Variants in CSMD3 observed in about 807,000 individuals in gnomAD.
CSMD3 encodes the protein CUB and sushi domain-containing protein 3.
In CSMD3, 177 loss-of-function variants were observed where a neutral mutation model predicts 435.2. The observed-to-expected ratio is 0.41, with a 90% CI of 0.36 to 0.46. The LOEUF (loss-of-function observed/expected upper bound fraction) is 0.46, where lower values mean the gene tolerates loss of function less well. Among genes scored for constraint, CSMD3 ranks in the 20% least tolerant of loss-of-function variants. The pLI, the probability that CSMD3 is intolerant of heterozygous loss-of-function variation, is 0.34. For missense variants in CSMD3, 4,265 were observed against 4,504.6 expected, an observed-to-expected ratio of 0.95 and a Z score of 1.52; for synonymous variants, 1,656 against 1,520.5, an observed-to-expected ratio of 1.09 and a Z score of -2.07.
At chr8:113,110,839 C>T (rs765239121) in intron 4 of CSMD3, among the ~76,000 whole-genome samples, 6 of 152,140 alleles carry the variant, frequency 3.9e-5, no homozygotes, top group Non-Finnish European at 7.4e-5. Flanking sequence ...GCTATTATTT[C>T]TTACAGATCT....
intron 22 of CSMD3, among the ~76,000 whole-genome samples, chr8:112,596,430 C>A (rs1449004402): frequency 1.3e-5 from 2 of 151,996 alleles, no homozygotes; most frequent in Non-Finnish European, 2.9e-5. Context: ...GACTTTAACA[C>A]CCCACTGTCA....
In CSMD3 at chr8:113,222,213, C is replaced by A. The variant is rs1171249837; in HGVS notation, c.515-48297G>T. On this transcript the variant is annotated intron_variant, in intron 3 of 70. Transcript: ENST00000297405. ...ATTTTCTATAATGTTTTATTAAAATCTGTTATTTTTCCTAATAAATACTTA... is the reference window on the plus strand; with the variant it reads ...ATTTTCTATAATGTTTTATTAAAATATGTTATTTTTCCTAATAAATACTTA... Among the ~76,000 whole-genome samples the A allele has an allele frequency of 2.0e-5, 3 of 151,022 alleles. No homozygotes were observed. The Admixed American group carries it at 2.0e-4, about 10-fold the overall frequency.
chr8:113,250,893 T>G (rs957301335), intron 3 of CSMD3, among the ~76,000 whole-genome samples: 6 of 152,102 alleles, frequency 3.9e-5, no homozygotes, highest in African/African-American at 1.2e-4. Flanking sequence ...CAGCCATATT[T>G]ATGAATAGAA....
At chr8:113,327,055 C>T (rs1410262733) in intron 1 of CSMD3, among the ~76,000 whole-genome samples, 1 of 152,148 alleles carries the variant, frequency 6.6e-6, no homozygotes, top group African/African-American at 2.4e-5. Context: ...TAAGTCCCAG[C>T]TGGATTTCCC....
chr8:113,168,645 A>T (rs1437732901), intron 4 of CSMD3, among the ~76,000 whole-genome samples: 1 of 151,750 alleles, frequency 6.6e-6, no homozygotes, highest in East Asian at 1.9e-4. Context: ...ATCTTAAAAT[A>T]TATTTTCATT....
At chr8:113,285,135 T>G (rs2093636814) in intron 2 of CSMD3, among the ~76,000 whole-genome samples, 1 of 152,186 alleles carries the variant, frequency 6.6e-6, no homozygotes, top group Non-Finnish European at 1.5e-5. Flanking sequence ...GTATTTTGAA[T>G]GAATAGAACA....
intron 32 of CSMD3, among the ~76,000 whole-genome samples, chr8:112,451,296 C>A (rs80256600): frequency 2.7e-5 from 4 of 150,058 alleles, no homozygotes; most frequent in Non-Finnish European, 5.9e-5. Context: ...TTAGAACACA[C>A]ATAAAAATAT....
chr8:113,084,194 A>C (rs562391271), intron 5 of CSMD3, among the ~76,000 whole-genome samples: 1 of 152,286 alleles, frequency 6.6e-6, no homozygotes, highest in East Asian at 1.9e-4. Context: ...TCATGATCTT[A>C]TATCTAGAGA....
At chr8:112,558,274 GGTC>G (rs565442404) in intron 24 of CSMD3, among the ~76,000 whole-genome samples, 111 of 151,672 alleles carry the variant, frequency 7.3e-4, no homozygotes, top group African/African-American at 2.7e-3. Context: ...AACCTAGAAA[GGTC>G]ATTTTCTTCC....
At chr8:112,822,744 G>A (rs1281288226) in intron 12 of CSMD3, among the ~76,000 whole-genome samples, 1 of 152,112 alleles carries the variant, frequency 6.6e-6, no homozygotes, top group South Asian at 2.1e-4. Context: ...TCCAGCTTTT[G>A]CCCATTCAGT....
chr8:112,802,038 A>G (rs1169411162), intron 12 of CSMD3, among the ~76,000 whole-genome samples: 3 of 151,960 alleles, frequency 2.0e-5, no homozygotes, highest in African/African-American at 7.2e-5. Flanking sequence ...TTGTTCCCTT[A>G]CTAACTTATC....
chr8:112,750,920 C>A (rs1305698542), intron 13 of CSMD3, among the ~76,000 whole-genome samples: 1 of 151,820 alleles, frequency 6.6e-6, no homozygotes, highest in Non-Finnish European at 1.5e-5. Flanking sequence ...TGGAGGTATG[C>A]AAAATCTGTG....
At position 112,343,974 on chromosome 8, in the gene CSMD3, C is replaced by T. The variant is rs370263859; in HGVS notation, c.6442+2123G>A. On this transcript the variant is annotated intron_variant, in intron 41 of 70. Coordinates refer to ENST00000297405, the MANE Select transcript of CSMD3 (RefSeq NM_198123.2). ...CTCCGCTCACTGCAGCCTCCGCCTC[C>T]TGGGTTCAAGCAATTCTGCTGCCTC... Among the ~76,000 whole-genome samples the T allele has an allele frequency of 2.6e-4, 40 of 152,286 alleles. No homozygotes were observed. The East Asian group carries it at 7.5e-3, about 29-fold the overall frequency.
chr8:113,372,940 CAAA>C (rs34032302), intron 1 of CSMD3, among the ~76,000 whole-genome samples: 6 of 125,444 alleles, frequency 4.8e-5, no homozygotes, highest in Middle Eastern at 4.0e-3. Context: ...GACTCCGTCT[CAAA>C]AAAAAAAAAA....
At chr8:112,951,308 G>A (rs1391103613) in intron 8 of CSMD3, among the ~76,000 whole-genome samples, 1 of 151,672 alleles carries the variant, frequency 6.6e-6, no homozygotes, top group Admixed American at 6.6e-5. Flanking sequence ...AGCATTTTAA[G>A]AATATGAGTG....
intron 70 of CSMD3, 86 bp from the exon 71 acceptor site, chr8:112,225,016 C>T (rs2129770301): frequency 1.6e-6 from 2 of 1,251,734 alleles, no homozygotes; most frequent in East Asian, 2.3e-5. Context: ...ACATCGTTAG[C>T]AGATAATGTA....
At chr8:112,821,857 T>C (rs113188167) in intron 12 of CSMD3, among the ~76,000 whole-genome samples, 6,221 of 152,286 alleles carry the variant, frequency 0.041, 352 homozygotes, top group East Asian at 0.26. Flanking sequence ...CAGTTTCAGT[T>C]TTCTGCATAT....
At chr8:113,148,382 C>T (rs188663887) in intron 4 of CSMD3, among the ~76,000 whole-genome samples, 1 of 151,672 alleles carries the variant, frequency 6.6e-6, no homozygotes. Context: ...CACAACCCTG[C>T]GGATCAGTTA....
chr8:112,534,688 G>C (rs1005579840), intron 27 of CSMD3, among the ~76,000 whole-genome samples: 3 of 152,052 alleles, frequency 2.0e-5, no homozygotes, highest in Non-Finnish European at 4.4e-5. Context: ...TATGAGGCCA[G>C]CATCATTCTG....
Sources: gnomAD v4.1 joint callset for allele counts (sites outside exome capture counted in the v4.1 genomes callset) on GRCh38, gnomAD v4.1.1 for gene constraint, MANE v1.5 for transcripts, NCBI Gene and HGNC (gene_info 2026-07-23, HGNC 2026-07-21) for gene names.